Variants in MCM7 observed in about 807,000 individuals in gnomAD.
The protein encoded by MCM7 is minichromosome maintenance complex component 7.
Under a neutral mutation model 83.5 loss-of-function variants are expected in MCM7, and 95 were observed. That is an observed-to-expected ratio of 1.14 (90% CI 0.96 to 1.35). MCM7 has a LOEUF of 1.35. Among genes scored for constraint, MCM7 ranks in the 40% most tolerant of loss-of-function variants. MCM7 has a pLI of 0.00. For missense variants in MCM7, 1,087 were observed against 957.4 expected, an observed-to-expected ratio of 1.14 and a Z score of -1.79; for synonymous variants, 461 against 352.7, an observed-to-expected ratio of 1.31 and a Z score of -3.44.
At position 100,099,625 on chromosome 7, in the gene MCM7, G is replaced by C. The variant is rs142833442; in HGVS notation, c.240C>G (p.Ala80=). Residue 80 remains alanine (A), a synonymous_variant, in exon 3 of 15, where the codon GCC becomes GCG. Transcript: ENST00000303887. ...TGTACTGAGGCAGCAGCTCTTGTAC[G>C]GCATCAGCAAAGAGCTTCGCGTAGC... ...ARRYAKLFAD[A]VQELLPQYKE... 6.8e-6 allele frequency: 11 copies of C among 1,613,902 alleles called. No individual in the cohort carries two copies. Among genetic ancestry groups the C allele is most frequent in the East Asian group, 2.2e-5 (1 of 44,896 alleles).
At chr7:100,099,233 T>C (rs778531562) in intron 4 of MCM7, 30 bp from the exon 5 acceptor site, 1 of 1,613,900 alleles carries the variant, frequency 6.2e-7, no homozygotes, top group South Asian at 1.1e-5. Context: ...ACAAACAAGA[T>C]CCTGGAGAAC....
intron 12 of MCM7, 79 bp from the exon 13 acceptor site, chr7:100,094,420 C>A: frequency 2.0e-6 from 3 of 1,513,878 alleles, no homozygotes; most frequent in Non-Finnish European, 2.7e-6. Context: ...GTTTTCTGTA[C>A]CAGGGCTCCC....
chr7:100,098,160 C>A lies in MCM7; in HGVS notation c.851G>T (p.Gly284Val). Residue 284 changes from glycine (G) to valine (V), a missense_variant, in exon 7 of 15, where the codon GGG (glycine) becomes GTG (valine). Gly to Val is a moderately radical substitution (Grantham distance 109, BLOSUM62 -3). Coordinates refer to ENST00000303887, the MANE Select transcript of MCM7 (RefSeq NM_005916.5). Reference protein sequence around the residue: ...TGIFLPILRTGFRQVVQGLLS... With the variant: ...TGIFLPILRTVFRQVVQGLLS... ...CCTTACCTGTACCACCTGTCGGAAC[C>A]CAGTGCGCAGGATTGGCAAGAAAAT... 1 of 1,614,066 alleles carries A rather than the reference C, an allele frequency of 6.2e-7. No homozygotes were observed. Among genetic ancestry groups the A allele is most frequent in the Non-Finnish European group, 8.5e-7 (1 of 1,179,996 alleles).
Position 100,099,170 on chromosome 7 carries a change from C to T in MCM7, c.435G>A (p.Lys145=). 6.2e-7 allele frequency: 1 copy of T among 1,614,078 alleles called. No individual in the cohort carries two copies. Residue 145 remains lysine (K), a synonymous_variant, in exon 5 of 15, where the codon AAG becomes AAA. Transcript: ENST00000303887. Reference sequence around the variant, plus strand: ...CCCGCACTTCCCGGATCACACGAGGCTTGTTGCTGCTAGGGCCTTGAAAAT... The same window carrying T: ...CCCGCACTTCCCGGATCACACGAGGTTTGTTGCTGCTAGGGCCTTGAAAAT... The part of the protein sequence containing the change: ...ELYFQGPSSN[K]PRVIREVRAD...
intron 10 of MCM7, among the ~76,000 whole-genome samples, chr7:100,097,080 G>C (rs184908905): frequency 6.6e-6 from 1 of 152,296 alleles, no homozygotes; most frequent in East Asian, 1.9e-4. Flanking sequence ...CGGCCTGGGC[G>C]AAAGAGCAAG....
At position 100,099,817 on chromosome 7, in the gene MCM7, T is replaced by C. The variant is rs559426057; in HGVS notation, c.112-64A>G. On this transcript the variant is annotated intron_variant, in intron 2 of 14. Transcript: ENST00000303887. The stretch of plus-strand genomic sequence containing the variant: ...TTCACTTTGCTCACCAGTGTTCATA[T>C]GTGAAAATGCATCACTGAGAACTCA... 3.6e-5 allele frequency: 57 copies of C among 1,591,016 alleles called. No homozygotes were observed. In the African/African-American group the frequency reaches 5.9e-4, roughly 16 times the overall value.
Position 100,099,027 on chromosome 7 carries a change from TGGTA to T in MCM7, c.574_577del (p.Tyr192SerfsTer11). On this transcript the variant is annotated frameshift_variant, in exon 5 of 15. Coordinates refer to ENST00000303887, the MANE Select transcript of MCM7 (RefSeq NM_005916.5). LOFTEE classifies it high-confidence loss of function. ...TGCTTCTTGCTCCACACGTACCGGC[TGGTA>T]GGTCTCTGCCCCACACTGGTCACAA... is the stretch of plus-strand genomic sequence containing the variant. The T allele has an allele frequency of 1.2e-6, 2 of 1,614,186 alleles. No individual in the cohort carries two copies. Among genetic ancestry groups the T allele is most frequent in the Non-Finnish European group, 1.7e-6 (2 of 1,180,016 alleles).
intron 2 of MCM7, 64 bp downstream of exon 2, chr7:100,099,950 A>G: frequency 6.7e-7 from 1 of 1,499,028 alleles, no homozygotes; most frequent in Admixed American, 1.7e-5. Context: ...AAACAAGCCA[A>G]GCTGCTGCTT....
At chr7:100,094,939 T>C (rs2116560726) in intron 12 of MCM7, among the ~76,000 whole-genome samples, 1 of 152,308 alleles carries the variant, frequency 6.6e-6, no homozygotes, top group East Asian at 1.9e-4. Flanking sequence ...CCAGGAGCAG[T>C]GGTTCATGCC....
intron 9 of MCM7, 27 bp downstream of exon 9, chr7:100,097,587 C>T: frequency 1.9e-6 from 3 of 1,612,892 alleles, no homozygotes; most frequent in Non-Finnish European, 2.5e-6. Context: ...TTCATCCACC[C>T]TGAGCCTCTC....
rs371729322 is a variant in MCM7, at chr7:100,097,949, C to G, written c.871-1G>C. 4 of 1,613,762 alleles carry G rather than the reference C, an allele frequency of 2.5e-6. No homozygotes were observed. The highest frequency in any genetic ancestry group is 3.4e-6 in the Non-Finnish European group (4 of 1,179,670). ...CCAGGTAGGTTTCTGAGAGTAAACC[C>G]TTGGGCAGGAAAATGCCAGGATACA... On this transcript the variant is annotated splice_acceptor_variant, in intron 7 of 14. Transcript: ENST00000303887. LOFTEE classifies it high-confidence loss of function.
intron 2 of MCM7, 60 bp downstream of exon 2, chr7:100,099,954 G>A (rs1425934021): frequency 5.3e-6 from 8 of 1,499,488 alleles, no homozygotes; most frequent in South Asian, 1.1e-5. Context: ...AAGCCAAGCT[G>A]CTGCTTATGG....
intron 1 of MCM7, chr7:100,100,483 C>G: frequency 2.0e-6 from 2 of 1,000,010 alleles, no homozygotes; most frequent in Non-Finnish European, 2.4e-6. Context: ...CACCGCACCC[C>G]GCCACCGCAC....
intron 2 of MCM7, 127 bp downstream of exon 2, chr7:100,099,887 G>C (rs765925653): frequency 3.0e-5 from 42 of 1,421,552 alleles, no homozygotes; most frequent in Non-Finnish European, 3.9e-5. Context: ...GCGCCACACA[G>C]AGCGATACTC....
chr7:100,097,227 A>G, intron 10 of MCM7, 74 bp downstream of exon 10: 1 of 1,331,208 alleles, frequency 7.5e-7, no homozygotes, highest in South Asian at 1.2e-5. Context: ...GCAAACATGC[A>G]CCCCTACTTT....
Position 100,097,631 on chromosome 7 carries a change from C to G in MCM7, c.1100G>C (p.Arg367Pro). 6.2e-7 allele frequency: 1 copy of G among 1,613,962 alleles called. No individual in the cohort carries two copies. Among genetic ancestry groups the G allele is most frequent in the Non-Finnish European group, 8.5e-7 (1 of 1,180,042 alleles). The change falls in exon 9 of 15, where the codon CGA becomes CCA. Residue 367 changes from arginine (R) to proline (P), a missense_variant. By Grantham distance (103) the Arg-to-Pro change is moderately radical. Coordinates refer to ENST00000303887, the MANE Select transcript of MCM7 (RefSeq NM_005916.5). ...LLVGGVDQSPRGMKIRGNINI... is the reference protein window; with the variant it reads ...LLVGGVDQSPPGMKIRGNINI... ...CTTCTTACCCCGGATTTTCATGCCT[C>G]GAGGAGACTGGTCCACACCCCCGAC...
intron 7 of MCM7, 26 bp from the exon 8 acceptor site, chr7:100,097,974 A>T: frequency 6.2e-7 from 1 of 1,604,002 alleles, no homozygotes; most frequent in Non-Finnish European, 8.5e-7. Context: ...GCCAGGATAC[A>T]GATGTAATCC....
At chr7:100,094,919 T>C (rs1225969949) in intron 12 of MCM7, among the ~76,000 whole-genome samples, 2 of 152,206 alleles carry the variant, frequency 1.3e-5, no homozygotes, top group South Asian at 2.1e-4. Flanking sequence ...ATTAAAAATA[T>C]TTTTGTGGGC....
In MCM7 at chr7:100,099,035, C is replaced by G; in HGVS notation, c.570G>C (p.Glu190Asp). 3 of 1,614,150 alleles carry G rather than the reference C, an allele frequency of 1.9e-6. No homozygotes were observed. The highest frequency in any genetic ancestry group is 2.5e-6 in the Non-Finnish European group (3 of 1,180,026). Residue 190 changes from glutamate (E) to aspartate (D), a missense_variant, in exon 5 of 15, where the codon GAG (glutamate) becomes GAC (aspartate). By Grantham distance (45) the Glu-to-Asp change is conservative (BLOSUM62 2). Coordinates refer to ENST00000303887, the MANE Select transcript of MCM7 (RefSeq NM_005916.5). The stretch of plus-strand genomic sequence containing the variant: ...GCTCCACACGTACCGGCTGGTAGGT[C>G]TCTGCCCCACACTGGTCACAAGTGT... ...ATYTCDQCGAETYQPIQSPTF... is the reference protein window; with the variant it reads ...ATYTCDQCGADTYQPIQSPTF...
Sources: gnomAD v4.1 joint callset for allele counts (sites outside exome capture counted in the v4.1 genomes callset) on GRCh38, gnomAD v4.1.1 for gene constraint, MANE v1.5 for transcripts, NCBI Gene and HGNC (gene_info 2026-07-23, HGNC 2026-07-21) for gene names.